The following C12orf75 variants were observed in gnomAD, a reference collection of about 807,000 sequenced individuals.
C12orf75 encodes chromosome 12 open reading frame 75, also known as overexpressed in colon carcinoma 1 protein.
In C12orf75, 4 loss-of-function variants were observed where a neutral mutation model predicts 11.4. The ratio of observed to expected loss-of-function variants is 0.35; its 90% CI spans 0.17 to 0.80. The LOEUF (loss-of-function observed/expected upper bound fraction) is 0.80. C12orf75 is among the 30% of genes least tolerant of loss of function. The pLI, the probability that C12orf75 is intolerant of heterozygous loss-of-function variation, is 0.52. For missense variants in C12orf75, 89 were observed against 80.4 expected (o/e 1.11, Z -0.41); for synonymous variants, 30 against 30.0 (o/e 1.00, Z 0.00).
At chr12:105,345,176 C>A (rs953874735) in intron 1 of C12orf75, among the ~76,000 whole-genome samples, 1 of 152,098 alleles carries the variant, frequency 6.6e-6, no homozygotes, top group Admixed American at 6.6e-5. Context: ...CAGTAAGATA[C>A]CAACATGACA....
chr12:105,331,001 G>A (rs1892415076), intron 1 of C12orf75, 64 bp downstream of exon 1: 4 of 1,041,542 alleles, frequency 3.8e-6, no homozygotes, highest in Non-Finnish European at 4.9e-6. Flanking sequence ...AAGGAAGGGT[G>A]CAGGGATCTT....
chr12:105,346,425 A>T (rs1892641729), intron 1 of C12orf75, among the ~76,000 whole-genome samples: 1 of 152,214 alleles, frequency 6.6e-6, no homozygotes, highest in Non-Finnish European at 1.5e-5. Flanking sequence ...CTCTAAAATA[A>T]AACGTTCATT....
chr12:105,348,168 A>T (rs181790182), intron 1 of C12orf75, among the ~76,000 whole-genome samples: 1 of 152,162 alleles, frequency 6.6e-6, no homozygotes, highest in African/African-American at 2.4e-5. Context: ...TAATCCTAGC[A>T]CTTTGGGCAA....
intron 1 of C12orf75, among the ~76,000 whole-genome samples, chr12:105,339,390 G>GTT (rs1189080886): frequency 1.4e-3 from 119 of 85,382 alleles, no homozygotes; most frequent in African/African-American, 3.8e-3. Flanking sequence ...TAAATCTTCA[G>GTT]TATTTTTTTT....
chr12:105,349,509 C>T (rs2136145489), intron 2 of C12orf75, among the ~76,000 whole-genome samples: 1 of 152,296 alleles, frequency 6.6e-6, no homozygotes, highest in Admixed American at 6.5e-5. Flanking sequence ...GAAGTGCCCC[C>T]ACTTTCTTAT....
At chr12:105,367,356 C>A in intron 4 of C12orf75, 116 bp from the exon 5 acceptor site, 1 of 408,554 alleles carries the variant, frequency 2.4e-6, no homozygotes, top group Non-Finnish European at 4.7e-6. Flanking sequence ...TCTTTCTGTA[C>A]TTTGTGATTT....
intron 1 of C12orf75, among the ~76,000 whole-genome samples, chr12:105,342,171 C>T (rs1482723991): frequency 6.6e-6 from 1 of 152,170 alleles, no homozygotes; most frequent in East Asian, 1.9e-4. Flanking sequence ...AAATTTAATA[C>T]CCAATGCAGT....
chr12:105,352,166 G>A (rs1010325591), intron 2 of C12orf75, among the ~76,000 whole-genome samples: 1 of 152,244 alleles, frequency 6.6e-6, no homozygotes, highest in African/African-American at 2.4e-5. Flanking sequence ...AGCGATGGCT[G>A]ATAGTCCAAA....
Position 105,366,707 on chromosome 12 carries a change from T to C in C12orf75, c.187+11T>C. On this transcript the variant is annotated intron_variant, in intron 4 of 5. Transcript: ENST00000443585. ...AGACGGTTCGGAAAAGTAAGTGAAATCATGTGCTGTTGATTTTCCCTAATT... is the reference window on the plus strand; with the variant it reads ...AGACGGTTCGGAAAAGTAAGTGAAACCATGTGCTGTTGATTTTCCCTAATT... The C allele has an allele frequency of 7.1e-7, 1 of 1,408,804 alleles. No homozygotes were observed. Among genetic ancestry groups the C allele is most frequent in the South Asian group, 1.3e-5 (1 of 79,844 alleles). The allele number at this position is 1,408,804 out of a possible 1,614,324, so 87.3% of individuals were successfully genotyped here. A position where few individuals can be genotyped will look rare whatever the true frequency, so the allele number is the denominator to read the frequency against.
chr12:105,369,951 T>G (rs1871582344), intron 5 of C12orf75, among the ~76,000 whole-genome samples: 1 of 152,170 alleles, frequency 6.6e-6, no homozygotes, highest in Non-Finnish European at 1.5e-5. Context: ...ACACTTTTGT[T>G]GTTGTTGTTG....
intron 1 of C12orf75, among the ~76,000 whole-genome samples, chr12:105,347,906 C>G (rs1048385397): frequency 2.0e-5 from 3 of 152,076 alleles, no homozygotes; most frequent in African/African-American, 7.2e-5. Context: ...CTTAACCTGC[C>G]GTGCAGACAC....
chr12:105,364,932 C>T (rs1186516100), intron 2 of C12orf75, among the ~76,000 whole-genome samples: 1 of 151,054 alleles, frequency 6.6e-6, no homozygotes, highest in African/African-American at 2.4e-5. Context: ...ACCTCCACCT[C>T]CCGGGTTCAA....
chr12:105,354,438 G>A (rs1219703302), intron 2 of C12orf75, among the ~76,000 whole-genome samples: 1 of 152,150 alleles, frequency 6.6e-6, no homozygotes, highest in East Asian at 1.9e-4. Context: ...ACAGAATAAT[G>A]ATGTTTCATT....
intron 1 of C12orf75, among the ~76,000 whole-genome samples, chr12:105,331,605 CA>C (rs1892425999): frequency 6.6e-6 from 1 of 151,510 alleles, no homozygotes; most frequent in Non-Finnish European, 1.5e-5. Flanking sequence ...CACACACACA[CA>C]CACACACACA....
intron 2 of C12orf75, among the ~76,000 whole-genome samples, chr12:105,358,785 T>G (rs1049069256): frequency 6.6e-6 from 1 of 152,198 alleles, no homozygotes; most frequent in Non-Finnish European, 1.5e-5. Flanking sequence ...TAGTGGCTCG[T>G]GTGCAACTAG....
intron 2 of C12orf75, among the ~76,000 whole-genome samples, chr12:105,359,406 G>A (rs1177860348): frequency 2.0e-5 from 3 of 152,106 alleles, no homozygotes; most frequent in African/African-American, 4.8e-5. Flanking sequence ...TTTTTAGTGC[G>A]TTGGCTTGTG....
At chr12:105,340,533 A>G (rs140650126) in intron 1 of C12orf75, among the ~76,000 whole-genome samples, 1 of 151,912 alleles carries the variant, frequency 6.6e-6, no homozygotes, top group Non-Finnish European at 1.5e-5. Flanking sequence ...CATGATACAT[A>G]TATTACATTT....
rs200950023 is a variant in C12orf75, at chr12:105,355,168, C to CTTTTTT, written c.71+6547_71+6548insTTTTTT. Among the ~76,000 whole-genome samples, 364 of 73,874 alleles carry CTTTTTT rather than the reference C, an allele frequency of 4.9e-3. 14 individuals carry two copies. Among genetic ancestry groups the CTTTTTT allele is most frequent in the East Asian group, 9.4e-3 (25 of 2,666 alleles). 48.5% of individuals were successfully genotyped at this position (73,874 alleles called of 152,430 possible). On this transcript the variant is annotated intron_variant, in intron 2 of 5. Transcript: ENST00000443585. Reference sequence around the variant, plus strand: ...GGGTGGTTTTCACGAATTTCTTTTTCTTTTTCTTTTTCTTTTTTTTTTTCA... The same window carrying CTTTTTT: ...GGGTGGTTTTCACGAATTTCTTTTTCTTTTTTTTTTTCTTTTTCTTTTTTTTTTTCA...
chr12:105,366,762 G>T, intron 4 of C12orf75, 66 bp downstream of exon 4: 1 of 953,646 alleles, frequency 1.0e-6, no homozygotes, highest in Admixed American at 2.0e-5. Flanking sequence ...GAAAAAGCAT[G>T]AAATTTATAT....
Sources: gnomAD v4.1 joint callset for allele counts (sites outside exome capture counted in the v4.1 genomes callset) on GRCh38, gnomAD v4.1.1 for gene constraint, MANE v1.5 for transcripts, NCBI Gene and HGNC (gene_info 2026-07-23, HGNC 2026-07-21) for gene names.